The following CSMD3 variants were observed in gnomAD, a reference collection of about 807,000 sequenced individuals.
The protein encoded by CSMD3 is CUB and sushi domain-containing protein 3.
A neutral mutation model predicts 435.2 loss-of-function variants in CSMD3; 177 were observed. That is an observed-to-expected ratio of 0.41 (90% CI 0.36 to 0.46). CSMD3 has a LOEUF of 0.46. CSMD3 is among the 20% of genes least tolerant of loss of function. The pLI is 0.34. For synonymous variants in CSMD3, 1,656 were observed against 1,520.5 expected, an observed-to-expected ratio of 1.09 and a Z score of -2.07; for missense variants, 4,265 against 4,504.6, an observed-to-expected ratio of 0.95 and a Z score of 1.52.
intron 13 of CSMD3, among the ~76,000 whole-genome samples, chr8:112,758,017 T>C (rs1191550343): frequency 1.3e-5 from 2 of 151,544 alleles, no homozygotes; most frequent in East Asian, 1.9e-4. Flanking sequence ...GATCAGGCAA[T>C]TGCACTCCAG....
At chr8:112,979,147 A>T (rs531904706) in intron 6 of CSMD3, among the ~76,000 whole-genome samples, 14 of 151,942 alleles carry the variant, frequency 9.2e-5, no homozygotes, top group African/African-American at 2.9e-4. Flanking sequence ...TTTTGTTGTT[A>T]TTTCCAAAAC....
At chr8:113,324,685 G>A (rs972165843) in intron 1 of CSMD3, among the ~76,000 whole-genome samples, 1 of 152,100 alleles carries the variant, frequency 6.6e-6, no homozygotes, top group African/African-American at 2.4e-5. Context: ...GCTCCTACTG[G>A]GGCACCACCT....
chr8:112,553,076 G>C (rs1399407082), intron 25 of CSMD3, among the ~76,000 whole-genome samples: 2 of 151,998 alleles, frequency 1.3e-5, no homozygotes, highest in African/African-American at 4.8e-5. Context: ...CAAATTGCAG[G>C]CTGAATAATT....
At chr8:112,408,810 T>C in intron 33 of CSMD3, 109 bp downstream of exon 33, 2 of 1,558,718 alleles carry the variant, frequency 1.3e-6, no homozygotes, top group Admixed American at 3.7e-5. Flanking sequence ...CTATTTTCAG[T>C]TTGCTTTATT....
chr8:113,074,296 T>C (rs989688889), intron 5 of CSMD3, among the ~76,000 whole-genome samples: 3 of 151,838 alleles, frequency 2.0e-5, no homozygotes, highest in Admixed American at 6.6e-5. Context: ...TAATTCCATC[T>C]TCTTAAGCAA....
chr8:113,349,147 G>A (rs899003438), intron 1 of CSMD3, among the ~76,000 whole-genome samples: 1 of 151,924 alleles, frequency 6.6e-6, no homozygotes, highest in Non-Finnish European at 1.5e-5. Context: ...GAATTCCTTA[G>A]TGCCCTTACC....
chr8:112,405,395 A>C (rs1831758308), intron 35 of CSMD3, among the ~76,000 whole-genome samples: 1 of 150,414 alleles, frequency 6.6e-6, no homozygotes, highest in Admixed American at 6.7e-5. Flanking sequence ...TTTAAAAAAT[A>C]ATAAAAATTC....
intron 5 of CSMD3, among the ~76,000 whole-genome samples, chr8:113,076,656 C>T (rs931260176): frequency 1.3e-5 from 2 of 151,950 alleles, no homozygotes; most frequent in Non-Finnish European, 2.9e-5. Flanking sequence ...TTTAATATAA[C>T]CTTTTTATAA....
intron 27 of CSMD3, among the ~76,000 whole-genome samples, chr8:112,529,076 A>G (rs1825270987): frequency 6.6e-6 from 1 of 152,122 alleles, no homozygotes; most frequent in Non-Finnish European, 1.5e-5. Flanking sequence ...CCACAAAAAA[A>G]CAACAAATAA....
At chr8:112,313,861 G>T (rs777241900) in intron 49 of CSMD3, 45 bp downstream of exon 49, 29 of 1,458,936 alleles carry the variant, frequency 2.0e-5, no homozygotes, top group Non-Finnish European at 2.7e-5. Flanking sequence ...TAATCATACC[G>T]AAGATGATAG....
At chr8:113,103,389 C>T (rs2090385280) in intron 4 of CSMD3, among the ~76,000 whole-genome samples, 2 of 152,100 alleles carry the variant, frequency 1.3e-5, no homozygotes. Context: ...TATGTATACA[C>T]ATTTACATAG....
At chr8:113,382,107 T>A (rs767792782) in intron 1 of CSMD3, among the ~76,000 whole-genome samples, 4 of 152,146 alleles carry the variant, frequency 2.6e-5, no homozygotes, top group African/African-American at 4.8e-5. Context: ...TATCTGAACA[T>A]CTGCTTAGAG....
intron 4 of CSMD3, among the ~76,000 whole-genome samples, chr8:113,127,759 T>G (rs979286416): frequency 7.9e-5 from 12 of 152,118 alleles, no homozygotes; most frequent in African/African-American, 1.7e-4. Flanking sequence ...CCTCCTATAA[T>G]GCTTCAAAAA....
At chr8:112,460,088 C>T (rs1041743501) in intron 32 of CSMD3, among the ~76,000 whole-genome samples, 2 of 152,064 alleles carry the variant, frequency 1.3e-5, no homozygotes, top group African/African-American at 4.8e-5. Flanking sequence ...TTTCCCACAT[C>T]GTAGTTTATA....
chr8:113,173,202 G>T (rs929510787), intron 4 of CSMD3, among the ~76,000 whole-genome samples: 16 of 152,092 alleles, frequency 1.1e-4, no homozygotes, highest in African/African-American at 3.9e-4. Flanking sequence ...TGCATATAGA[G>T]ATATATAATT....
intron 32 of CSMD3, among the ~76,000 whole-genome samples, chr8:112,448,169 G>C (rs1020521250): frequency 2.0e-5 from 3 of 152,178 alleles, no homozygotes; most frequent in Non-Finnish European, 2.9e-5. Flanking sequence ...TTCCCAGCTT[G>C]TTAGACTACT....
At chr8:112,790,093 T>C (rs1287093027) in intron 13 of CSMD3, among the ~76,000 whole-genome samples, 6 of 152,020 alleles carry the variant, frequency 3.9e-5, no homozygotes, top group Non-Finnish European at 7.4e-5. Context: ...ATTGATATAT[T>C]TATTTATTGT....
At chr8:112,283,286 G>A (rs1818844416) in intron 58 of CSMD3, among the ~76,000 whole-genome samples, 1 of 151,720 alleles carries the variant, frequency 6.6e-6, no homozygotes, top group African/African-American at 2.4e-5. Flanking sequence ...ATCTTTATAG[G>A]AAGTATATTT....
chr8:113,051,843 T>G (rs1461596692), intron 5 of CSMD3, among the ~76,000 whole-genome samples: 4 of 152,184 alleles, frequency 2.6e-5, no homozygotes, highest in Non-Finnish European at 5.9e-5. Flanking sequence ...AAGTCATCAC[T>G]TTTTTCTATC....
Sources: allele counts gnomAD v4.1 joint callset (sites outside exome capture counted in the v4.1 genomes callset), GRCh38; gene constraint gnomAD v4.1.1; transcripts MANE v1.5; gene names NCBI Gene and HGNC (gene_info 2026-07-23, HGNC 2026-07-21).